Variants in ACAD10 observed in about 807,000 individuals in gnomAD.
The protein encoded by ACAD10 is ACAD-10.
ACAD10 carries 112 observed loss-of-function variants against 116.8 expected under a neutral mutation model. The ratio of observed to expected loss-of-function variants is 0.96; its 90% CI spans 0.82 to 1.12. The LOEUF (loss-of-function observed/expected upper bound fraction) is 1.12. Ranked by LOEUF, ACAD10 falls within the 50% of genes most tolerant of loss-of-function variation. The pLI, the probability that ACAD10 is intolerant of heterozygous loss-of-function variation, is 0.00. For missense variants in ACAD10, 1,259 were observed against 1,350.2 expected, an observed-to-expected ratio of 0.93 and a Z score of 1.06; for synonymous variants, 486 against 510.6, an observed-to-expected ratio of 0.95 and a Z score of 0.65.
At chr12:111,752,689 A>G (rs945161210) in intron 18 of ACAD10, 1 of 152,174 alleles carries the variant, frequency 6.6e-6, no homozygotes, top group South Asian at 2.1e-4. Context: ...TAAAAAAACT[A>G]TAGAAGGATA....
rs1399890616 is a variant in ACAD10, at chr12:111,753,971, C to T, written c.2961+56C>T. The T allele has an allele frequency of 2.0e-6, 3 of 1,535,544 alleles. No individual in the cohort carries two copies. In the African/African-American group the frequency reaches 4.1e-5, roughly 21 times the overall value. ...GAGGCAGAGATTCTTCCTCCTCACT[C>T]AGCAAAGCATGAGAGCCTGGCTTCT... is the stretch of plus-strand genomic sequence containing the variant. On this transcript the variant is annotated intron_variant, in intron 19 of 20. Coordinates refer to ENST00000313698, the MANE Select transcript of ACAD10 (RefSeq NM_025247.6).
At chr12:111,721,817 T>G in intron 8 of ACAD10, 78 bp downstream of exon 8, 1 of 1,288,998 alleles carries the variant, frequency 7.8e-7, no homozygotes, top group Non-Finnish European at 1.1e-6. Flanking sequence ...AAATTCCAAT[T>G]TGTTAAAGAC....
chr12:111,736,702 C>A, intron 11 of ACAD10, 129 bp from the exon 12 acceptor site: 1 of 876,996 alleles, frequency 1.1e-6, no homozygotes, highest in Non-Finnish European at 1.7e-6. Flanking sequence ...CAGGAATAAG[C>A]TAACCCATGG....
intron 12 of ACAD10, among the ~76,000 whole-genome samples, chr12:111,741,055 C>G (rs940525864): frequency 1.3e-5 from 2 of 152,072 alleles, no homozygotes; most frequent in Non-Finnish European, 2.9e-5. Flanking sequence ...CAGCACTGTG[C>G]TAGGTGGTCC....
chr12:111,721,185 C>T (rs1245677719), intron 7 of ACAD10, among the ~76,000 whole-genome samples: 1 of 151,996 alleles, frequency 6.6e-6, no homozygotes, highest in East Asian at 1.9e-4. Flanking sequence ...TTTTGTTTGT[C>T]CCATCATTTT....
intron 2 of ACAD10, 88 bp from the exon 3 acceptor site, chr12:111,702,074 G>T (rs538352072): frequency 3.1e-5 from 43 of 1,389,490 alleles, no homozygotes; most frequent in Non-Finnish European, 3.9e-5. Context: ...CAGCGAGTCC[G>T]TAGGAACTGG....
intron 8 of ACAD10, among the ~76,000 whole-genome samples, chr12:111,726,181 G>A (rs2135971211): frequency 6.6e-6 from 1 of 152,220 alleles, no homozygotes; most frequent in South Asian, 2.1e-4. Context: ...TTGAACCTGA[G>A]AGGCAGAGTT....
intron 2 of ACAD10, chr12:111,693,122 T>C (rs1210177460): frequency 1.5e-5 from 8 of 547,008 alleles, no homozygotes; most frequent in Non-Finnish European, 3.3e-6. Context: ...CTAATGGTAG[T>C]GCCTTCCTCC....
At chr12:111,707,434 A>G (rs1888544749) in intron 4 of ACAD10, among the ~76,000 whole-genome samples, 1 of 152,164 alleles carries the variant, frequency 6.6e-6, no homozygotes, top group African/African-American at 2.4e-5. Flanking sequence ...TTTGTCTTAT[A>G]ACCAACAGCA....
Position 111,750,312 on chromosome 12 carries a change from C to T in ACAD10, c.2817+967C>T, listed in dbSNP as rs1241224165. On this transcript the variant is annotated intron_variant, in intron 18 of 20. Coordinates refer to ENST00000313698, the MANE Select transcript of ACAD10 (RefSeq NM_025247.6). ...TTCACCATGTTAGCCAGGATGGTTT[C>T]GATCTCACCGTGTTAGCCAGGATGG... Among the ~76,000 whole-genome samples, 9 of 150,176 alleles carry T rather than the reference C, an allele frequency of 6.0e-5. No individual in the cohort carries two copies. The South Asian group carries it at 8.5e-4, about 14-fold the overall frequency.
rs1368113937 is a variant in ACAD10 at position 111,733,915 on chromosome 12, C to G, written c.1395-8C>G. The G allele has an allele frequency of 6.2e-7, 1 of 1,614,190 alleles. No homozygotes were observed. Among genetic ancestry groups the G allele is most frequent in the East Asian group, 2.2e-5 (1 of 44,894 alleles). ...AGTGCTGTCTCTATTCCTCCTGCGA[C>G]TTTTCAGGCTCGACAACCTGGTGTT... On this transcript the variant is annotated splice_region_variant and splice_polypyrimidine_tract_variant and intron_variant, in intron 10 of 20. Coordinates refer to ENST00000313698, the MANE Select transcript of ACAD10 (RefSeq NM_025247.6).
chr12:111,724,323 G>A (rs1181521746), intron 8 of ACAD10, among the ~76,000 whole-genome samples: 3 of 151,954 alleles, frequency 2.0e-5, no homozygotes, highest in Non-Finnish European at 4.4e-5. Context: ...TTTCCAGACT[G>A]GGCAGCCAGG....
At position 111,702,172 on chromosome 12, in the gene ACAD10, A is replaced by C; in HGVS notation, c.198A>C (p.Val66=). The C allele has an allele frequency of 6.2e-7, 1 of 1,613,348 alleles. No homozygotes were observed. The highest frequency in any genetic ancestry group is 8.5e-7 in the Non-Finnish European group (1 of 1,179,832). The stretch of plus-strand genomic sequence containing the variant: ...TTTTGCTTCCTATAGAATGGGAGGT[A>C]CAGAATCGTATCCCTTCTGGAACTA... The part of the protein sequence containing the change: ...SPGRVAAEWE[V]QNRIPSGTIL... Residue 66 remains valine, a synonymous_variant, in exon 3 of 21, where the codon GTA becomes GTC. Transcript: ENST00000313698.
intron 8 of ACAD10, 32 bp from the exon 9 acceptor site, chr12:111,727,930 G>A: frequency 1.9e-6 from 3 of 1,581,046 alleles, no homozygotes; most frequent in Non-Finnish European, 2.6e-6. Flanking sequence ...TTATGACTCT[G>A]ATCCCTGAAA....
chr12:111,719,255 A>G (rs1329727103), intron 7 of ACAD10, among the ~76,000 whole-genome samples: 3 of 151,952 alleles, frequency 2.0e-5, no homozygotes, highest in Non-Finnish European at 4.4e-5. Context: ...CAAGATTTCA[A>G]TTTTTTGGTT....
intron 7 of ACAD10, among the ~76,000 whole-genome samples, chr12:111,716,804 C>T (rs1031700901): frequency 1.3e-5 from 2 of 152,206 alleles, no homozygotes; most frequent in African/African-American, 2.4e-5. Flanking sequence ...TGCACTGAGC[C>T]GAGGTGGGCA....
Position 111,756,640 on chromosome 12 carries a change from C to T in ACAD10, c.*167C>T, listed in dbSNP as rs756955449. On this transcript the variant is annotated 3_prime_UTR_variant, in exon 21 of 21. Transcript: ENST00000313698. ...AATCTTTCTGGTTCTCCACAGAAGA[C>T]GTCTCTGCAAGAAGCCTGGAGTCTG... 92 of 1,145,366 alleles carry T rather than the reference C, an allele frequency of 8.0e-5. No individual in the cohort carries two copies. The highest frequency in any genetic ancestry group is 1.9e-4 in the Middle Eastern group (1 of 5,276). 71.0% of individuals were successfully genotyped at this position (1,145,366 alleles called of 1,614,324 possible).
chr12:111,747,655 C>T (rs890392806), intron 16 of ACAD10: 3 of 1,260,952 alleles, frequency 2.4e-6, no homozygotes, highest in Non-Finnish European at 3.0e-6. Flanking sequence ...CCAGGAATCT[C>T]TCCACTTCCT....
rs1889931649 is a variant in ACAD10 at position 111,747,148 on chromosome 12, G to A, written c.2356G>A (p.Gly786Arg). 2.5e-6 allele frequency: 4 copies of A among 1,612,902 alleles called. No homozygotes were observed. The highest frequency in any genetic ancestry group is 1.6e-4 in the Middle Eastern group (1 of 6,080). ...TCGCTGGCTGATTCCTCTGCTGGAG[G>A]GGAAAGCCCGCTCCTGTTTTGCTAT... is the stretch of plus-strand genomic sequence containing the variant. ...KARWLIPLLE[G>R]KARSCFAMTE... Residue 786 changes from glycine (G) to arginine (R), a missense_variant, in exon 15 of 21, where the codon GGG becomes AGG. Transcript: ENST00000313698.
Sources: allele counts gnomAD v4.1 joint callset (sites outside exome capture counted in the v4.1 genomes callset), GRCh38; gene constraint gnomAD v4.1.1; transcripts MANE v1.5; gene names NCBI Gene and HGNC (gene_info 2026-07-23, HGNC 2026-07-21).